The following R3HDM2 variants were observed in gnomAD, a reference collection of about 807,000 sequenced individuals.
R3HDM2 encodes R3H domain-containing protein 2.
A neutral mutation model predicts 124.5 loss-of-function variants in R3HDM2; 38 were observed. The ratio of observed to expected loss-of-function variants is 0.31; its 90% CI spans 0.24 to 0.40. The LOEUF (loss-of-function observed/expected upper bound fraction) is 0.40. R3HDM2 is among the 10% of genes least tolerant of loss of function. R3HDM2 has a pLI of 1.00. For missense variants in R3HDM2, 869 were observed against 1,236.9 expected (o/e 0.70, Z 4.46); for synonymous variants, 391 against 448.0 (o/e 0.87, Z 1.61).
intron 2 of R3HDM2, among the ~76,000 whole-genome samples, chr12:57,386,594 C>T (rs1423999820): frequency 6.6e-6 from 1 of 152,216 alleles, no homozygotes; most frequent in Non-Finnish European, 1.5e-5. Flanking sequence ...CCCTGACGAG[C>T]GCCGCCCCCT....
intron 2 of R3HDM2, among the ~76,000 whole-genome samples, chr12:57,359,376 T>C (rs2061629627): frequency 6.6e-6 from 1 of 152,206 alleles, no homozygotes; most frequent in Admixed American, 6.5e-5. Flanking sequence ...GAACTATTAC[T>C]ATATGTATAA....
intron 2 of R3HDM2, among the ~76,000 whole-genome samples, chr12:57,364,611 C>T (rs987452671): frequency 2.6e-5 from 4 of 152,044 alleles, no homozygotes; most frequent in South Asian, 2.1e-4. Flanking sequence ...GCTTGGTACA[C>T]GTATGCCCAT....
In R3HDM2 at chr12:57,268,300, C is replaced by T; in HGVS notation, c.2030+3G>A. The T allele has an allele frequency of 1.2e-6, 2 of 1,612,804 alleles. No homozygotes were observed. Among genetic ancestry groups the T allele is most frequent in the Non-Finnish European group, 1.7e-6 (2 of 1,179,250 alleles). On this transcript the variant is annotated splice_donor_region_variant and intron_variant, in intron 18 of 23. Coordinates refer to ENST00000402412, the MANE Select transcript of R3HDM2 (RefSeq NM_001394031.1). ...CCTGTCCTGGCTCTCTGGGAGTCCT[C>T]ACCTCGTACCGTTCTGCTGAGCAGG...
chr12:57,356,616 C>T (rs865914763), intron 2 of R3HDM2, among the ~76,000 whole-genome samples: 5 of 152,060 alleles, frequency 3.3e-5, no homozygotes, highest in South Asian at 2.1e-4. Flanking sequence ...GGGAAGTGTT[C>T]CTCTATGTTC....
chr12:57,386,410 C>G (rs949761470), intron 2 of R3HDM2, among the ~76,000 whole-genome samples: 7 of 152,242 alleles, frequency 4.6e-5, no homozygotes, highest in African/African-American at 1.4e-4. Context: ...CTCGGAGAGG[C>G]CAGCCGGCCC....
At chr12:57,310,541 G>T in intron 2 of R3HDM2, 78 bp from the exon 3 acceptor site, 1 of 753,870 alleles carries the variant, frequency 1.3e-6, no homozygotes, top group Non-Finnish European at 1.8e-6. Flanking sequence ...ATTTCACACG[G>T]GTACATTTTT....
intron 13 of R3HDM2, among the ~76,000 whole-genome samples, chr12:57,281,206 G>C (rs370222985): frequency 3.3e-4 from 49 of 147,336 alleles, no homozygotes; most frequent in African/African-American, 1.2e-3. Flanking sequence ...AGAATCGCTT[G>C]AACCCAGGAG....
At chr12:57,334,988 A>G (rs2058671399) in intron 2 of R3HDM2, among the ~76,000 whole-genome samples, 1 of 150,936 alleles carries the variant, frequency 6.6e-6, no homozygotes, top group Admixed American at 6.6e-5. Context: ...AAAAAAAAAA[A>G]AAAGTTAGCT....
chr12:57,414,252 G>A, intron 1 of R3HDM2, among the ~76,000 whole-genome samples: 1 of 151,344 alleles, frequency 6.6e-6, no homozygotes, highest in East Asian at 2.0e-4. Context: ...CTGGGAGGCT[G>A]AGGCGGGCTG....
At chr12:57,387,996 C>T (rs1407356452) in intron 2 of R3HDM2, among the ~76,000 whole-genome samples, 1 of 150,880 alleles carries the variant, frequency 6.6e-6, no homozygotes, top group Non-Finnish European at 1.5e-5. Context: ...CAAAGTCTTG[C>T]TCTTGTCCCC....
intron 2 of R3HDM2, among the ~76,000 whole-genome samples, chr12:57,376,402 G>A (rs1254902854): frequency 2.0e-5 from 3 of 152,188 alleles, no homozygotes; most frequent in Admixed American, 6.6e-5. Context: ...ACAAACAACG[G>A]GAAGGGTACA....
chr12:57,256,018 G>A lies in R3HDM2; in HGVS notation c.2604C>T (p.Ala868=), dbSNP rs554407412. 3 of 1,613,978 alleles carry A rather than the reference G, an allele frequency of 1.9e-6. No individual in the cohort carries two copies. Among genetic ancestry groups the A allele is most frequent in the African/African-American group, 1.3e-5 (1 of 75,022 alleles). Reference sequence around the variant, plus strand: ...CATCTGCTGTCCCCAGGTCAGTGGAGGCAGATTTGAGTGCTTGTCTCTTGC... The same window carrying A: ...CATCTGCTGTCCCCAGGTCAGTGGAAGCAGATTTGAGTGCTTGTCTCTTGC... The part of the protein sequence containing the change: ...NRGKRQALKS[A]STDLGTADVV... Residue 868 remains alanine, a synonymous_variant, in exon 23 of 24, where the codon GCC becomes GCT. Transcript: ENST00000402412.
intron 1 of R3HDM2, among the ~76,000 whole-genome samples, chr12:57,398,952 A>G (rs1475413160): frequency 1.3e-5 from 2 of 152,214 alleles, no homozygotes; most frequent in East Asian, 1.9e-4. Flanking sequence ...AGAGTGCTTC[A>G]CAGCTTAGAA....
chr12:57,413,673 C>T (rs1284601), intron 1 of R3HDM2, among the ~76,000 whole-genome samples: 32 of 151,290 alleles, frequency 2.1e-4, no homozygotes, highest in African/African-American at 7.5e-4. Context: ...GAGGTGGAGG[C>T]TGCAATGAGC....
intron 2 of R3HDM2, among the ~76,000 whole-genome samples, chr12:57,341,883 A>ATC (rs1220265777): frequency 6.6e-6 from 1 of 152,206 alleles, no homozygotes; most frequent in Non-Finnish European, 1.5e-5. Flanking sequence ...CATAAGCTGC[A>ATC]TCTGAATGAA....
chr12:57,390,734 G>A (rs1310932719), intron 2 of R3HDM2, among the ~76,000 whole-genome samples: 2 of 151,528 alleles, frequency 1.3e-5, no homozygotes, highest in Non-Finnish European at 2.9e-5. Flanking sequence ...TTACCAGGCT[G>A]GGTGAGGTGG....
At chr12:57,306,316 T>G (rs1163804112) in intron 3 of R3HDM2, among the ~76,000 whole-genome samples, 1 of 152,186 alleles carries the variant, frequency 6.6e-6, no homozygotes, top group African/African-American at 2.4e-5. Flanking sequence ...AGTTCTTTAT[T>G]TCACAACCAC....
intron 2 of R3HDM2, among the ~76,000 whole-genome samples, chr12:57,386,955 C>T (rs1367039355): frequency 6.6e-6 from 1 of 151,940 alleles, no homozygotes; most frequent in Admixed American, 6.6e-5. Flanking sequence ...GCACCTTTGG[C>T]ACTCTGTATC....
intron 1 of R3HDM2, among the ~76,000 whole-genome samples, chr12:57,414,624 T>C (rs1461818712): frequency 6.7e-6 from 1 of 149,584 alleles, no homozygotes; most frequent in African/African-American, 2.5e-5. Context: ...TCAGCTGAGG[T>C]CAGGAGTTCG....
Sources: gnomAD v4.1 joint callset for allele counts (sites outside exome capture counted in the v4.1 genomes callset) on GRCh38, gnomAD v4.1.1 for gene constraint, MANE v1.5 for transcripts, NCBI Gene and HGNC (gene_info 2026-07-23, HGNC 2026-07-21) for gene names.